Variants in AGBL4 observed in about 807,000 individuals in gnomAD.
AGBL4 encodes cytosolic carboxypeptidase 6.
AGBL4 carries 58 observed loss-of-function variants against 66.4 expected under a neutral mutation model. The observed-to-expected ratio is 0.87, with a 90% CI of 0.71 to 1.09. AGBL4 has a LOEUF of 1.09. Among genes scored for constraint, AGBL4 ranks in the 50% least tolerant of loss-of-function variants. AGBL4 has a pLI of 0.00. For missense variants in AGBL4, 579 were observed against 631.0 expected (o/e 0.92, Z 0.88); for synonymous variants, 234 against 222.9 (o/e 1.05, Z -0.44).
intron 3 of AGBL4, among the ~76,000 whole-genome samples, chr1:49,329,527 G>A (rs1309300651): frequency 1.3e-5 from 2 of 151,672 alleles, no homozygotes; most frequent in South Asian, 2.1e-4. Context: ...TTAGCCGGAC[G>A]GGGTGGTACA....
Position 48,614,346 on chromosome 1 carries a change from G to A in AGBL4, c.951+20147C>T, listed in dbSNP as rs376693878. ...CCTTCTAGCATAAGTTTTCTCATTT[G>A]TAAAATGAAGAGGCTGAGCAAGAAT... On this transcript the variant is annotated intron_variant, in intron 9 of 13. Transcript: ENST00000371839. Among the ~76,000 whole-genome samples the A allele has an allele frequency of 3.3e-5, 5 of 152,332 alleles. No homozygotes were observed. In the East Asian group the frequency reaches 5.8e-4, roughly 18 times the overall value.
intron 9 of AGBL4, among the ~76,000 whole-genome samples, chr1:48,606,874 T>C (rs1204029291): frequency 6.6e-6 from 1 of 152,154 alleles, no homozygotes; most frequent in Non-Finnish European, 1.5e-5. Context: ...ATATGTGCAC[T>C]GCTGTAAGAT....
intron 6 of AGBL4, among the ~76,000 whole-genome samples, chr1:48,859,249 C>T (rs1202693458): frequency 3.9e-5 from 6 of 152,062 alleles, no homozygotes; most frequent in South Asian, 4.2e-4. Context: ...AAATCCATCC[C>T]GAAGGTTTTC....
chr1:49,632,195 A>G (rs886952609), intron 3 of AGBL4, among the ~76,000 whole-genome samples: 29 of 152,204 alleles, frequency 1.9e-4, no homozygotes, highest in African/African-American at 7.0e-4. Context: ...GGTCATATTA[A>G]GATTTAATAT....
chr1:49,880,483 G>A (rs1311320640), intron 1 of AGBL4, among the ~76,000 whole-genome samples: 1 of 152,134 alleles, frequency 6.6e-6, no homozygotes, highest in African/African-American at 2.4e-5. Context: ...GGGGGTCGGG[G>A]TCAGGGACCC....
intron 2 of AGBL4, among the ~76,000 whole-genome samples, chr1:49,831,608 C>T (rs1056701980): frequency 6.6e-6 from 1 of 152,156 alleles, no homozygotes; most frequent in African/African-American, 2.4e-5. Context: ...TTATTTCTTT[C>T]TCTTGCCTAA....
chr1:49,443,619 C>G (rs570006104), intron 3 of AGBL4, among the ~76,000 whole-genome samples: 2 of 151,776 alleles, frequency 1.3e-5, no homozygotes, highest in African/African-American at 4.8e-5. Flanking sequence ...TTCCATTGAT[C>G]TATGTGCCTA....
chr1:49,574,683 G>T lies in AGBL4; in HGVS notation c.282+122630C>A, dbSNP rs372944743. On this transcript the variant is annotated intron_variant, in intron 3 of 13. Transcript: ENST00000371839. ...AAATTTAAATACAATGGGAATAATT[G>T]GATCCCAAGGTGGCAGGAGATAAGT... 1.4e-3 allele frequency among the ~76,000 whole-genome samples: 207 copies of T among 152,112 alleles called. 1 individual carries two copies. Among genetic ancestry groups the T allele is most frequent in the African/African-American group, 4.7e-3 (194 of 41,526 alleles).
intron 8 of AGBL4, among the ~76,000 whole-genome samples, chr1:48,646,047 C>T (rs565242011): frequency 1.3e-5 from 2 of 152,168 alleles, no homozygotes; most frequent in South Asian, 2.1e-4. Flanking sequence ...CTTCAGAGGG[C>T]GAGGCAGAAG....
chr1:48,827,995 TACACAC>T (rs375257744), intron 6 of AGBL4, among the ~76,000 whole-genome samples: 3,618 of 116,930 alleles, frequency 0.031, 104 homozygotes, highest in African/African-American at 0.069. Flanking sequence ...CTACTAAAAA[TACACAC>T]ACACACACAC....
chr1:49,802,637 C>A (rs145510063), intron 2 of AGBL4, among the ~76,000 whole-genome samples: 4,175 of 152,122 alleles, frequency 0.027, 159 homozygotes, highest in African/African-American at 0.095. Context: ...ATCAAATGAC[C>A]CTAAATCCCT....
In AGBL4 at chr1:48,736,503, G is replaced by A; in HGVS notation, c.635-73262C>T. ...CTGTTTAGTCCGACAGGAGGGCAGT[G>A]GGAGGCTTCTCTTGTCCTTTAAAAA... is the stretch of plus-strand genomic sequence containing the variant. On this transcript the variant is annotated intron_variant, in intron 6 of 13. Coordinates refer to ENST00000371839, the MANE Select transcript of AGBL4 (RefSeq NM_032785.4). The surrounding 1 kb of genome is among the most constrained non-coding windows in gnomAD (Gnocchi z 4.0). 1 of 1,502,484 alleles carries A rather than the reference G, an allele frequency of 6.7e-7. No homozygotes were observed. Among genetic ancestry groups the A allele is most frequent in the Non-Finnish European group, 9.2e-7 (1 of 1,083,026 alleles). 93.1% of individuals were successfully genotyped at this position (1,502,484 alleles called of 1,614,324 possible). A position where few individuals can be genotyped will look rare whatever the true frequency, so the allele number is the denominator to read the frequency against.
At chr1:49,553,542 T>A (rs1251501137) in intron 3 of AGBL4, among the ~76,000 whole-genome samples, 1 of 152,206 alleles carries the variant, frequency 6.6e-6, no homozygotes, top group Non-Finnish European at 1.5e-5. Context: ...AGATATCTAA[T>A]GTGTCTTCTT....
chr1:49,828,833 G>A lies in AGBL4; in HGVS notation c.157+22563C>T, dbSNP rs376235353. ...CGCCTGTAATTCCAGTATTTTGGAA[G>A]GCCGAGGCGGGCGGATCACGAGGTC... On this transcript the variant is annotated intron_variant, in intron 2 of 13. Transcript: ENST00000371839. Among the ~76,000 whole-genome samples the A allele has an allele frequency of 2.0e-5, 3 of 152,140 alleles. No homozygotes were observed. In the East Asian group the frequency reaches 5.8e-4, roughly 29 times the overall value.
intron 1 of AGBL4, among the ~76,000 whole-genome samples, chr1:50,011,563 T>C (rs558360606): frequency 2.0e-5 from 3 of 152,328 alleles, no homozygotes; most frequent in South Asian, 4.1e-4. Context: ...ATCAGTATAT[T>C]GAGGAAATAT....
intron 2 of AGBL4, among the ~76,000 whole-genome samples, chr1:49,784,058 G>A (rs1010875319): frequency 6.6e-6 from 1 of 152,012 alleles, no homozygotes; most frequent in Non-Finnish European, 1.5e-5. Flanking sequence ...TATTAAGATG[G>A]CAGTACTCCT....
At chr1:49,263,179 T>A (rs1653389262) in intron 3 of AGBL4, among the ~76,000 whole-genome samples, 1 of 151,726 alleles carries the variant, frequency 6.6e-6, no homozygotes, top group Admixed American at 6.6e-5. Context: ...TGGGGAGGGA[T>A]AGCATTAGGA....
intron 3 of AGBL4, among the ~76,000 whole-genome samples, chr1:49,591,337 A>G (rs568338460): frequency 1.3e-5 from 2 of 152,254 alleles, no homozygotes; most frequent in African/African-American, 4.8e-5. Flanking sequence ...AAACATTAGT[A>G]CTAGCCACAC....
chr1:48,664,866 G>A (rs320013), intron 6 of AGBL4, among the ~76,000 whole-genome samples: 74,859 of 151,998 alleles, frequency 0.49, 19,795 homozygotes, highest in Middle Eastern at 0.65. Flanking sequence ...TTACCTGAAG[G>A]AAATTTAGAA....
Sources: allele counts gnomAD v4.1 joint callset (sites outside exome capture counted in the v4.1 genomes callset), GRCh38; gene constraint gnomAD v4.1.1; non-coding constraint Gnocchi (gnomAD v3.1); transcripts MANE v1.5; gene names NCBI Gene and HGNC (gene_info 2026-07-23, HGNC 2026-07-21).